YAP1: variants seen among roughly 807,000 people sequenced by gnomAD.
YAP1 encodes the protein Yes1 associated transcriptional regulator.
In YAP1, 5 loss-of-function variants were observed where a neutral mutation model predicts 56.9. The observed-to-expected ratio is 0.09, with a 90% CI of 0.05 to 0.18. The LOEUF is 0.18. Among genes scored for constraint, YAP1 ranks in the 10% least tolerant of loss-of-function variants. The pLI is 1.00. For synonymous variants in YAP1, 265 were observed against 248.1 expected (o/e 1.07, Z -0.64); for missense variants, 539 against 651.8 (o/e 0.83, Z 1.88).
chr11:102,230,112 A>G lies in YAP1; in HGVS notation c.*172A>G. On this transcript the variant is annotated 3_prime_UTR_variant, in exon 9 of 9. Transcript: ENST00000282441. Reference sequence around the variant, plus strand: ...CTCTTCCTTGTCCATTGCTGCTGTTAATGTATTGCTGACCTCTTTCACAGT... The same window carrying G: ...CTCTTCCTTGTCCATTGCTGCTGTTGATGTATTGCTGACCTCTTTCACAGT... The G allele has an allele frequency of 1.7e-6, 1 of 601,318 alleles. No homozygotes were observed. Among genetic ancestry groups the G allele is most frequent in the East Asian group, 2.7e-5 (1 of 37,000 alleles). 37.2% of individuals were successfully genotyped at this position (601,318 alleles called of 1,614,324 possible). A position where few individuals can be genotyped will look rare whatever the true frequency, so the allele number is the denominator to read the frequency against.
chr11:102,212,132 A>T (rs1591435386), intron 6 of YAP1, among the ~76,000 whole-genome samples: 1 of 152,246 alleles, frequency 6.6e-6, no homozygotes. Flanking sequence ...TGAACACTAG[A>T]CGCTGTTGTA....
At chr11:102,151,359 C>G (rs886562842) in intron 2 of YAP1, among the ~76,000 whole-genome samples, 1 of 152,148 alleles carries the variant, frequency 6.6e-6, no homozygotes, top group East Asian at 1.9e-4. Flanking sequence ...CCTTGCCTCT[C>G]TTTCAAGAAT....
chr11:102,131,935 T>C (rs1944388655), intron 2 of YAP1, among the ~76,000 whole-genome samples: 1 of 152,110 alleles, frequency 6.6e-6, no homozygotes, highest in Non-Finnish European at 1.5e-5. Flanking sequence ...CTGGCCAACA[T>C]GATGAAACCC....
At chr11:102,220,923 G>T (rs1949895876) in intron 6 of YAP1, among the ~76,000 whole-genome samples, 2 of 152,190 alleles carry the variant, frequency 1.3e-5, no homozygotes, top group African/African-American at 4.8e-5. Context: ...ATTCCAATGT[G>T]ATGAATGCAG....
chr11:102,110,941 C>G lies in YAP1; in HGVS notation c.93C>G (p.Ser31=). Residue 31 remains serine, a synonymous_variant, in exon 1 of 9, where the codon TCC becomes TCG. Coordinates refer to ENST00000282441, the MANE Select transcript of YAP1 (RefSeq NM_001130145.3). ...CCCCGCAGGGGCAGGGCCCGCCGTCCGGACCCGGGCAACCGGCACCCGCGG... is the reference window on the plus strand; with the variant it reads ...CCCCGCAGGGGCAGGGCCCGCCGTCGGGACCCGGGCAACCGGCACCCGCGG... ...SQPPQGQGPP[S]GPGQPAPAAT... is the part of the protein sequence containing the mutation. 6.7e-7 allele frequency: 1 copy of G among 1,491,692 alleles called. No individual in the cohort carries two copies. The highest frequency in any genetic ancestry group is 8.9e-7 in the Non-Finnish European group (1 of 1,123,098). 92.4% of individuals were successfully genotyped at this position (1,491,692 alleles called of 1,614,324 possible).
chr11:102,226,098 T>C (rs145516605), intron 7 of YAP1, among the ~76,000 whole-genome samples: 61 of 152,350 alleles, frequency 4.0e-4, no homozygotes, highest in Middle Eastern at 3.4e-3. Flanking sequence ...GTGTGTCCCA[T>C]GCTTAGCAGC....
chr11:102,216,937 C>A (rs1949698927), intron 6 of YAP1, among the ~76,000 whole-genome samples: 1 of 152,148 alleles, frequency 6.6e-6, no homozygotes, highest in South Asian at 2.1e-4. Context: ...TGTAATAATA[C>A]AAAAATGTGG....
intron 2 of YAP1, among the ~76,000 whole-genome samples, chr11:102,158,892 A>C (rs980026913): frequency 6.6e-6 from 1 of 152,194 alleles, no homozygotes; most frequent in Non-Finnish European, 1.5e-5. Flanking sequence ...ACACACAATC[A>C]AGAATTTGAA....
At chr11:102,193,435 T>A (rs530223858) in intron 4 of YAP1, among the ~76,000 whole-genome samples, 28 of 152,316 alleles carry the variant, frequency 1.8e-4, no homozygotes, top group African/African-American at 6.7e-4. Flanking sequence ...CTGTTCCTTT[T>A]TAAAATGTTT....
At chr11:102,114,582 T>C (rs1279830372) in intron 2 of YAP1, among the ~76,000 whole-genome samples, 188 bp downstream of exon 2, 2 of 152,238 alleles carry the variant, frequency 1.3e-5, no homozygotes, top group African/African-American at 4.8e-5. Context: ...TTTGTTAGTA[T>C]GGGTAATATT....
At chr11:102,200,461 T>A (rs540514288) in intron 4 of YAP1, among the ~76,000 whole-genome samples, 59 of 149,064 alleles carry the variant, frequency 4.0e-4, no homozygotes, top group African/African-American at 1.5e-3. Flanking sequence ...TTTTTTTTTT[T>A]AGACAAGAGT....
intron 4 of YAP1, among the ~76,000 whole-genome samples, chr11:102,191,638 C>A (rs1472752028): frequency 1.3e-5 from 2 of 152,114 alleles, no homozygotes; most frequent in Admixed American, 1.3e-4. Flanking sequence ...GAATAAGTTA[C>A]CCAAAGATAA....
At chr11:102,140,580 C>T (rs1944958035) in intron 2 of YAP1, among the ~76,000 whole-genome samples, 1 of 152,184 alleles carries the variant, frequency 6.6e-6, no homozygotes, top group Non-Finnish European at 1.5e-5. Flanking sequence ...CGTGGTGGCT[C>T]ACACCTGTAA....
rs1950412252 is a variant in YAP1, at chr11:102,230,794, T to A, written c.*854T>A. 3 of 152,560 alleles carry A rather than the reference T, an allele frequency of 2.0e-5. No homozygotes were observed. The highest frequency in any genetic ancestry group is 2.0e-4 in the Admixed American group (3 of 15,274). 9.5% of individuals were successfully genotyped at this position (152,560 alleles called of 1,614,324 possible). On this transcript the variant is annotated 3_prime_UTR_variant, in exon 9 of 9. Transcript: ENST00000282441. ...CTTGGGATGGTTATTGTAGTTGTTT[T>A]GGTAAAATCTTCATTTCCTGGTTTT... is the stretch of plus-strand genomic sequence containing the variant.
chr11:102,138,165 A>G (rs763046695), intron 2 of YAP1, among the ~76,000 whole-genome samples: 18 of 152,236 alleles, frequency 1.2e-4, no homozygotes, highest in Middle Eastern at 3.2e-3. Context: ...AATTATAGGC[A>G]TGAGCCACTG....
At chr11:102,159,721 T>A (rs1315052091) in intron 2 of YAP1, among the ~76,000 whole-genome samples, 1 of 152,168 alleles carries the variant, frequency 6.6e-6, no homozygotes, top group African/African-American at 2.4e-5. Context: ...TCAGTCCCAC[T>A]TTATTGAAGG....
intron 2 of YAP1, among the ~76,000 whole-genome samples, chr11:102,147,997 T>C (rs183402393): frequency 1.3e-5 from 2 of 152,288 alleles, no homozygotes; most frequent in East Asian, 3.9e-4. Context: ...AAGTTAAAGT[T>C]ATAGAAAGGA....
At chr11:102,112,910 A>G (rs1201940880) in intron 1 of YAP1, among the ~76,000 whole-genome samples, 1 of 152,210 alleles carries the variant, frequency 6.6e-6, no homozygotes, top group Non-Finnish European at 1.5e-5. Flanking sequence ...ACAACTGGGA[A>G]GTGTACTTTT....
chr11:102,177,670 G>C (rs149230769), intron 3 of YAP1, among the ~76,000 whole-genome samples: 3,507 of 142,518 alleles, frequency 0.025, 133 homozygotes, highest in African/African-American at 0.083. Flanking sequence ...AGTGAGACTC[G>C]GTCTCAAAAA....
Sources: gnomAD v4.1 joint callset for allele counts (sites outside exome capture counted in the v4.1 genomes callset) on GRCh38, gnomAD v4.1.1 for gene constraint, MANE v1.5 for transcripts, NCBI Gene and HGNC (gene_info 2026-07-23, HGNC 2026-07-21) for gene names.